Variants in NALF1 observed in about 807,000 individuals in gnomAD.
The protein encoded by NALF1 is NALCN channel auxiliary factor 1.
Under a neutral mutation model 48.4 loss-of-function variants are expected in NALF1, and 3 were observed. That is an observed-to-expected ratio of 0.06 (90% confidence interval 0.03 to 0.16). The LOEUF is 0.16. Among genes scored for constraint, NALF1 ranks in the 10% least tolerant of loss-of-function variants. The pLI, the probability that NALF1 is intolerant of heterozygous loss-of-function variation, is 1.00. For missense variants in NALF1, 526 were observed against 571.5 expected, an observed-to-expected ratio of 0.92 and a Z score of 0.81; for synonymous variants, 262 against 245.7, an observed-to-expected ratio of 1.07 and a Z score of -0.62.
chr13:107,254,731 A>G (rs189401474), intron 1 of NALF1, among the ~76,000 whole-genome samples: 1 of 152,312 alleles, frequency 6.6e-6, no homozygotes, highest in East Asian at 1.9e-4. Flanking sequence ...CCTCTTTTTC[A>G]TTACTACTGA....
chr13:107,866,155 C>T lies in NALF1; in HGVS notation c.442G>A (p.Gly148Ser). The T allele has an allele frequency of 6.2e-7, 1 of 1,607,890 alleles. No homozygotes were observed. The highest frequency in any genetic ancestry group is 1.1e-5 in the South Asian group (1 of 90,598). ...GGGGGGKGNR[G>S]KDDRGKALFL... ...AGAGCCTTGCCCCGGTCGTCTTTGC[C>T]TCGGTTGCCCTTGCCGCCGCCGCCG... The change falls in exon 1 of 3, where the codon GGC (glycine) becomes AGC (serine). Residue 148 changes from glycine to serine, a missense_variant. Transcript: ENST00000375915. The surrounding 1 kb of genome is among the most constrained non-coding windows in gnomAD (Gnocchi z 4.4).
chr13:107,561,546 C>T (rs367640269), intron 1 of NALF1, among the ~76,000 whole-genome samples: 7 of 152,286 alleles, frequency 4.6e-5, no homozygotes, highest in African/African-American at 1.7e-4. Context: ...ATTACTCAGC[C>T]AAGGTGACGT....
chr13:107,712,256 G>A (rs8000666), intron 1 of NALF1, among the ~76,000 whole-genome samples: 14,086 of 152,172 alleles, frequency 0.093, 1,491 homozygotes, highest in East Asian at 0.42. Context: ...AGAGACCTCA[G>A]TGCCTATATT....
intron 1 of NALF1, among the ~76,000 whole-genome samples, chr13:107,360,477 A>T (rs904154936): frequency 6.6e-6 from 1 of 152,164 alleles, no homozygotes; most frequent in African/African-American, 2.4e-5. Flanking sequence ...AGTTCAGCCA[A>T]TATCTTTTTA....
intron 1 of NALF1, among the ~76,000 whole-genome samples, chr13:107,282,096 G>A (rs1881399847): frequency 6.6e-6 from 1 of 152,186 alleles, no homozygotes; most frequent in African/African-American, 2.4e-5. Context: ...TGAGCAACAA[G>A]GGGAGGAAGC....
chr13:107,171,960 A>T (rs2769913), intron 2 of NALF1, among the ~76,000 whole-genome samples: 111,087 of 152,086 alleles, frequency 0.73, 40,906 homozygotes, highest in African/African-American at 0.83. Context: ...CTGCTGTGAA[A>T]AACAATAGTT....
chr13:107,397,837 C>A (rs1566325235), intron 1 of NALF1, among the ~76,000 whole-genome samples: 1 of 152,090 alleles, frequency 6.6e-6, no homozygotes, highest in Non-Finnish European at 1.5e-5. Flanking sequence ...AATCTATCTT[C>A]CTATATATAG....
intron 1 of NALF1, among the ~76,000 whole-genome samples, chr13:107,746,543 A>G (rs1876786017): frequency 6.6e-6 from 1 of 152,220 alleles, no homozygotes; most frequent in African/African-American, 2.4e-5. Flanking sequence ...ATTCATTCAC[A>G]ACTTTATATT....
At chr13:107,544,165 T>C (rs186826261) in intron 1 of NALF1, among the ~76,000 whole-genome samples, 56 of 152,286 alleles carry the variant, frequency 3.7e-4, no homozygotes, top group African/African-American at 1.3e-3. Flanking sequence ...ATCTAAATTA[T>C]GAAATTCATT....
rs1158888280 is a variant in NALF1, at chr13:107,168,786, AG to A, written c.*1710del. The A allele has an allele frequency of 6.6e-6, 1 of 152,626 alleles. No homozygotes were observed. The highest frequency in any genetic ancestry group is 1.5e-5 in the Non-Finnish European group (1 of 68,028). The allele number at this position is 152,626 out of a possible 1,614,324, so 9.5% of individuals were successfully genotyped here. ...GGGTTAAGTATGATGCAGAGGTTAA[AG>A]TCTGTTTGAACAAAAACAAATGCCC... On this transcript the variant is annotated 3_prime_UTR_variant, in exon 3 of 3. Transcript: ENST00000375915.
intron 1 of NALF1, among the ~76,000 whole-genome samples, chr13:107,477,647 T>C (rs545845693): frequency 2.6e-5 from 4 of 152,192 alleles, no homozygotes; most frequent in Non-Finnish European, 5.9e-5. Context: ...TCATATCTCC[T>C]CCGTGTGACT....
intron 1 of NALF1, among the ~76,000 whole-genome samples, chr13:107,839,256 G>C (rs1368133273): frequency 6.6e-6 from 1 of 150,894 alleles, no homozygotes; most frequent in Admixed American, 6.6e-5. Context: ...ATGTAAAATC[G>C]TAGGTGTTAT....
chr13:107,371,170 G>C (rs963063732), intron 1 of NALF1, among the ~76,000 whole-genome samples: 10 of 152,162 alleles, frequency 6.6e-5, no homozygotes, highest in African/African-American at 2.4e-4. Flanking sequence ...ATATTGGCCA[G>C]GCACAGTGGC....
intron 1 of NALF1, among the ~76,000 whole-genome samples, chr13:107,266,389 C>A (rs1313370763): frequency 1.3e-5 from 2 of 152,084 alleles, no homozygotes; most frequent in African/African-American, 4.8e-5. Flanking sequence ...CTGTGTACAC[C>A]CCACCTGGAA....
chr13:107,812,878 G>C lies in NALF1; in HGVS notation c.915+52804C>G, dbSNP rs563437568. Among the ~76,000 whole-genome samples the C allele has an allele frequency of 5.9e-5, 9 of 152,124 alleles. No homozygotes were observed. In the South Asian group the frequency reaches 1.9e-3, roughly 32 times the overall value. ...TGCAGTGGTGTCATCTTGGCTCACT[G>C]CAACTTTTGCCTTCCTACAGGCATG... On this transcript the variant is annotated intron_variant, in intron 1 of 2. Transcript: ENST00000375915.
chr13:107,329,236 C>T (rs1156853853), intron 1 of NALF1, among the ~76,000 whole-genome samples: 1 of 152,064 alleles, frequency 6.6e-6, no homozygotes, highest in Non-Finnish European at 1.5e-5. Flanking sequence ...TAGAAGAGCA[C>T]AAAGAATGAA....
intron 2 of NALF1, among the ~76,000 whole-genome samples, chr13:107,176,692 G>A (rs1259588470): frequency 6.6e-6 from 1 of 151,866 alleles, no homozygotes; most frequent in East Asian, 1.9e-4. Context: ...TTAGACCAGT[G>A]CATGGCAGGT....
intron 1 of NALF1, among the ~76,000 whole-genome samples, chr13:107,776,535 A>C (rs1439768264): frequency 6.6e-6 from 1 of 152,110 alleles, no homozygotes; most frequent in Non-Finnish European, 1.5e-5. Flanking sequence ...TGACTGATGA[A>C]CTCTCAAACT....
chr13:107,637,693 T>C (rs1338582627), intron 1 of NALF1, among the ~76,000 whole-genome samples: 2 of 152,040 alleles, frequency 1.3e-5, no homozygotes, highest in African/African-American at 2.4e-5. Flanking sequence ...TTCCAACCCA[T>C]GTTGGAACCA....
Sources: allele counts gnomAD v4.1 joint callset (sites outside exome capture counted in the v4.1 genomes callset), GRCh38; gene constraint gnomAD v4.1.1; non-coding constraint Gnocchi (gnomAD v3.1); transcripts MANE v1.5; gene names NCBI Gene and HGNC (gene_info 2026-07-23, HGNC 2026-07-21).